Variants in ITSN2 observed in about 807,000 individuals in gnomAD.
The protein encoded by ITSN2 is intersectin-2.
In ITSN2, 156 loss-of-function variants were observed where a neutral mutation model predicts 243.7. The ratio of observed to expected loss-of-function variants is 0.64; its 90% confidence interval spans 0.56 to 0.73. The LOEUF is 0.73. Ranked by LOEUF, ITSN2 falls within the 30% of genes least tolerant of loss-of-function variation. The probability of loss-of-function intolerance (pLI) is 0.00; values close to 1 mark genes in which losing one functional copy is unlikely to be tolerated. For synonymous variants in ITSN2, 703 were observed against 699.9 expected (o/e 1.00, Z -0.07); for missense variants, 1,801 against 1,996.1 (o/e 0.90, Z 1.86).
chr2:24,269,764 AT>A (rs1414143118), intron 20 of ITSN2, among the ~76,000 whole-genome samples: 13 of 152,218 alleles, frequency 8.5e-5, no homozygotes, highest in Admixed American at 7.9e-4. Flanking sequence ...ATAACCAAAA[AT>A]ATAAGTAAAC....
Position 24,311,899 on chromosome 2 carries a change from G to T in ITSN2, c.352+313C>A, listed in dbSNP as rs144605142. Among the ~76,000 whole-genome samples the T allele has an allele frequency of 5.9e-5, 9 of 152,230 alleles. No homozygotes were observed. In the East Asian group the frequency reaches 1.7e-3, roughly 29 times the overall value. ...TATATATAGAGAGAGAGGAAACTAA[G>T]AATAGTATTTGGGATTGGCTATACC... is the stretch of plus-strand genomic sequence containing the variant. On this transcript the variant is annotated intron_variant, in intron 5 of 39. Transcript: ENST00000355123.
rs750981514 is a variant in ITSN2, at chr2:24,204,234, G to A, written c.4936+11C>T. The A allele has an allele frequency of 2.2e-5, 35 of 1,613,566 alleles. No homozygotes were observed. In the East Asian group the frequency reaches 7.4e-4, roughly 34 times the overall value. On this transcript the variant is annotated intron_variant, in intron 39 of 39. Transcript: ENST00000355123. This position sits in a 1 kb window ranked among gnomAD's most constrained non-coding sequence, Gnocchi z 5.1. ...GAAAGCCTTTAGATCCCCTGGCTGA[G>A]CGACACTTACCATCTGGTGAAAACT...
In ITSN2 at chr2:24,209,122, G is replaced by C. The variant is rs761779658; in HGVS notation, c.4573C>G (p.Arg1525Gly). Residue 1525 changes from arginine (R) to glycine (G), a missense_variant, in exon 36 of 40, where the codon CGA becomes GGA. Physicochemically the swap from Arg to Gly is moderately radical, Grantham distance 125. This residue lies in a region of ITSN2 where 928 missense variants were observed against 1,065.4 expected (regional missense o/e 0.87). Transcript: ENST00000355123. ...ISHIDRVYTL[R>G]TDNINERTAW... ...GACCTCTCATTAATGTTGTCTGTTCGGAGGGTGTAGACCCGATCAATGTGG... is the reference window on the plus strand; with the variant it reads ...GACCTCTCATTAATGTTGTCTGTTCCGAGGGTGTAGACCCGATCAATGTGG... 2 of 1,613,962 alleles carry C rather than the reference G, an allele frequency of 1.2e-6. No homozygotes were observed. Among genetic ancestry groups the C allele is most frequent in the Non-Finnish European group, 1.7e-6 (2 of 1,179,994 alleles).
At chr2:24,326,821 A>G (rs1023391651) in intron 2 of ITSN2, 2 of 168,688 alleles carry the variant, frequency 1.2e-5, no homozygotes, top group African/African-American at 4.8e-5. Context: ...ATCCTGAGAC[A>G]TAAAACTTTA....
intron 29 of ITSN2, among the ~76,000 whole-genome samples, chr2:24,233,694 A>G (rs1671844658): frequency 6.6e-6 from 1 of 152,208 alleles, no homozygotes; most frequent in South Asian, 2.1e-4. Context: ...ATTATGTGTC[A>G]GACATTAAAC....
chr2:24,203,663 A>G lies in ITSN2; in HGVS notation c.5057T>C (p.Phe1686Ser), dbSNP rs1668541878. Residue 1686 changes from phenylalanine to serine, a missense_variant, in exon 40 of 40, where the codon TTT becomes TCT. Physicochemically the swap from Phe to Ser is radical, Grantham distance 155. Coordinates refer to ENST00000355123, the MANE Select transcript of ITSN2 (RefSeq NM_006277.3). ...EVPTGEVWVR[F>S]DLQLFEQKTL... ...TTTTTGCTCAAAAAGCTGCAGGTCA[A>G]AACGGACCCAGACCTCCCCGGTGGG... 3 of 1,614,056 alleles carry G rather than the reference A, an allele frequency of 1.9e-6. No individual in the cohort carries two copies. The highest frequency in any genetic ancestry group is 2.5e-6 in the Non-Finnish European group (3 of 1,180,024).
chr2:24,321,748 T>C (rs1684601713), intron 2 of ITSN2: 1 of 152,150 alleles, frequency 6.6e-6, no homozygotes, highest in Non-Finnish European at 1.5e-5. Flanking sequence ...AGAAAAATTA[T>C]GATGCTGATT....
chr2:24,299,533 A>C (rs1051606097), intron 12 of ITSN2, among the ~76,000 whole-genome samples: 1 of 152,110 alleles, frequency 6.6e-6, no homozygotes, highest in Non-Finnish European at 1.5e-5. Context: ...CCCAGCTCTC[A>C]TCTTTCTGTC....
Position 24,284,765 on chromosome 2 carries a change from TA to T in ITSN2, c.1941del (p.Lys648ArgfsTer3). The T allele has an allele frequency of 6.4e-7, 1 of 1,571,402 alleles. No individual in the cohort carries two copies. Among genetic ancestry groups the T allele is most frequent in the Non-Finnish European group, 8.7e-7 (1 of 1,142,880 alleles). On this transcript the variant is annotated frameshift_variant, in exon 17 of 40. Coordinates refer to ENST00000355123, the MANE Select transcript of ITSN2 (RefSeq NM_006277.3). LOFTEE classifies it high-confidence loss of function. ...GAAGCTAGATATTAGAAAATAACCT[TA>T]AGTAAGAGGAAGAGGTTGTTGAGAC... ...LSCLNNLFLL[L>X]KELRETYNTQ... is the part of the protein sequence containing the mutation.
intron 1 of ITSN2, among the ~76,000 whole-genome samples, chr2:24,352,006 A>C (rs1688063335): frequency 6.6e-6 from 1 of 152,216 alleles, no homozygotes; most frequent in African/African-American, 2.4e-5. Context: ...TATCTGTGAA[A>C]TTGTTAACAG....
At chr2:24,272,109 C>T (rs184087057) in intron 18 of ITSN2, among the ~76,000 whole-genome samples, 168 bp from the exon 19 acceptor site, 62 of 152,160 alleles carry the variant, frequency 4.1e-4, no homozygotes, top group South Asian at 1.0e-3. Context: ...ACAAATCAAT[C>T]AATCAATCAA....
intron 29 of ITSN2, among the ~76,000 whole-genome samples, chr2:24,226,459 T>A (rs915129882): frequency 1.3e-5 from 2 of 152,228 alleles, no homozygotes; most frequent in African/African-American, 4.8e-5. Context: ...TGGGCTTGCA[T>A]CTTACACAAA....
intron 29 of ITSN2, among the ~76,000 whole-genome samples, chr2:24,228,480 T>G (rs1671263203): frequency 6.6e-6 from 1 of 152,158 alleles, no homozygotes; most frequent in African/African-American, 2.4e-5. Flanking sequence ...AATACTAAGT[T>G]GGCAGGTATA....
chr2:24,254,498 T>A, intron 23 of ITSN2, 67 bp from the exon 24 acceptor site: 1 of 1,290,604 alleles, frequency 7.7e-7, no homozygotes, highest in Non-Finnish European at 1.1e-6. Context: ...AAAGGTGATT[T>A]GATGCACAGC....
intron 20 of ITSN2, among the ~76,000 whole-genome samples, chr2:24,266,318 C>T (rs942873793): frequency 3.9e-5 from 6 of 152,112 alleles, no homozygotes; most frequent in Admixed American, 2.6e-4. Context: ...TGGTTACAAA[C>T]TCAACAAATG....
chr2:24,286,092 TATAAA>T lies in ITSN2; in HGVS notation c.1863+115_1863+119del, dbSNP rs767374315. On this transcript the variant is annotated intron_variant, in intron 16 of 39. Transcript: ENST00000355123. ...CTTGAAATTCTTGTATAGTTGAAAT[TATAAA>T]ATAAATTATGAAAATGTAATACATA... is the stretch of plus-strand genomic sequence containing the variant. 74 of 625,102 alleles carry T rather than the reference TATAAA, an allele frequency of 1.2e-4. 1 individual carries two copies. The highest frequency in any genetic ancestry group is 5.7e-4 in the South Asian group (23 of 40,060). 38.7% of individuals were successfully genotyped at this position (625,102 alleles called of 1,614,324 possible). A position where few individuals can be genotyped will look rare whatever the true frequency, so the allele number is the denominator to read the frequency against.
chr2:24,232,713 C>T (rs899335653), intron 29 of ITSN2, among the ~76,000 whole-genome samples: 6 of 152,130 alleles, frequency 3.9e-5, no homozygotes, highest in Non-Finnish European at 1.5e-5. Flanking sequence ...AATAGATAAT[C>T]TGAAGCTTAG....
intron 17 of ITSN2, among the ~76,000 whole-genome samples, chr2:24,282,905 T>C (rs2151534581): frequency 6.6e-6 from 1 of 152,288 alleles, no homozygotes; most frequent in East Asian, 1.9e-4. Context: ...CATCTTAATC[T>C]GCTTCTTCAG....
At chr2:24,331,371 C>G (rs1430156144) in intron 1 of ITSN2, among the ~76,000 whole-genome samples, 1 of 151,912 alleles carries the variant, frequency 6.6e-6, no homozygotes, top group Non-Finnish European at 1.5e-5. Context: ...CTGTGCCCAG[C>G]CTACTTTTTT....
Sources: gnomAD v4.1 joint callset for allele counts (sites outside exome capture counted in the v4.1 genomes callset) on GRCh38, gnomAD v4.1.1 for gene constraint, gnomAD v4.1.1 regional missense constraint, Gnocchi (gnomAD v3.1) non-coding constraint, MANE v1.5 for transcripts, NCBI Gene and HGNC (gene_info 2026-07-23, HGNC 2026-07-21) for gene names.